The following A2ML1 variants were observed in gnomAD, a reference collection of about 807,000 sequenced individuals.
The protein encoded by A2ML1 is alpha-2-macroglobulin-like protein 1.
Under a neutral mutation model 181.9 loss-of-function variants are expected in A2ML1, and 161 were observed. The ratio of observed to expected loss-of-function variants is 0.89; its 90% CI spans 0.78 to 1.01. The LOEUF (loss-of-function observed/expected upper bound fraction) is 1.01, where lower values mean the gene tolerates loss of function less well. Ranked by LOEUF, A2ML1 falls within the 50% of genes least tolerant of loss-of-function variation. The probability of loss-of-function intolerance (pLI) is 0.00; values close to 1 mark genes in which losing one functional copy is unlikely to be tolerated. For synonymous variants in A2ML1, 663 were observed against 666.8 expected (o/e 0.99, Z 0.09); for missense variants, 1,670 against 1,768.1 (o/e 0.94, Z 1.00).
At chr12:8,837,350 A>T in intron 7 of A2ML1, 90 bp from the exon 8 acceptor site, 1 of 1,507,584 alleles carries the variant, frequency 6.6e-7, no homozygotes, top group Non-Finnish European at 9.0e-7. Flanking sequence ...CAGAGGCTGG[A>T]GTGTGAGAGG....
chr12:8,861,154 G>A lies in A2ML1; in HGVS notation c.3359G>A (p.Gly1120Asp), dbSNP rs1565487733. The A allele has an allele frequency of 3.7e-6, 6 of 1,614,126 alleles. No homozygotes were observed. The highest frequency in any genetic ancestry group is 5.1e-6 in the Non-Finnish European group (6 of 1,180,038). The change falls in exon 28 of 36, where the codon GGT becomes GAT. Residue 1120 changes from glycine (G) to aspartate (D), a missense_variant. By Grantham distance (94) the Gly-to-Asp change is moderately conservative. Transcript: ENST00000299698. ...TTTTAGGACCCAATGGTGAGTCAGG[G>A]TCTACGGTGTCTCAAGAATTCGGCC... ...KDVDDPMVSQGLRCLKNSATS... is the reference protein window; with the variant it reads ...KDVDDPMVSQDLRCLKNSATS...
At chr12:8,840,573 G>T (rs1236049649) in intron 10 of A2ML1, among the ~76,000 whole-genome samples, 1 of 152,090 alleles carries the variant, frequency 6.6e-6, no homozygotes, top group South Asian at 2.1e-4. Context: ...AGAGCCTAAG[G>T]ATTACACAGT....
chr12:8,839,563 C>T (rs760750700), intron 10 of A2ML1, among the ~76,000 whole-genome samples: 1 of 152,164 alleles, frequency 6.6e-6, no homozygotes, highest in East Asian at 1.9e-4. Flanking sequence ...ATTAATGACA[C>T]CTTAGGGGTC....
chr12:8,855,386 T>C, intron 22 of A2ML1, 123 bp from the exon 23 acceptor site: 1 of 808,840 alleles, frequency 1.2e-6, no homozygotes. Flanking sequence ...GCTTTCTGCA[T>C]CCCAGAGAAA....
rs180735568 is a variant in A2ML1 at position 8,852,738 on chromosome 12, G to T, written c.2590+402G>T. Among the ~76,000 whole-genome samples the T allele has an allele frequency of 3.3e-5, 5 of 151,900 alleles. No individual in the cohort carries two copies. In the South Asian group the frequency reaches 8.3e-4, roughly 25 times the overall value. On this transcript the variant is annotated intron_variant, in intron 20 of 35. Coordinates refer to ENST00000299698, the MANE Select transcript of A2ML1 (RefSeq NM_144670.6). This position sits in a 1 kb window ranked among gnomAD's most constrained non-coding sequence, Gnocchi z 4.2. ...TTGAGAGGAAGTCTCGCTCTGTTGCGCAGGCTGGAGTGCAGTGGTGCAATC... is the reference window on the plus strand; with the variant it reads ...TTGAGAGGAAGTCTCGCTCTGTTGCTCAGGCTGGAGTGCAGTGGTGCAATC...
chr12:8,834,362 C>T (rs748045086), intron 4 of A2ML1, among the ~76,000 whole-genome samples: 2 of 152,294 alleles, frequency 1.3e-5, no homozygotes, highest in African/African-American at 4.8e-5. Context: ...TGTGCAAGAG[C>T]TCAGTCACAG....
intron 7 of A2ML1, among the ~76,000 whole-genome samples, chr12:8,881,803 A>C (rs745339027): frequency 6.6e-6 from 1 of 152,100 alleles, no homozygotes; most frequent in African/African-American, 2.4e-5. Context: ...CGAGGTCAGG[A>C]GATCGAGACC....
chr12:8,845,698 A>C (rs894638032), intron 13 of A2ML1, among the ~76,000 whole-genome samples, 196 bp downstream of exon 13: 6 of 151,944 alleles, frequency 3.9e-5, no homozygotes, highest in African/African-American at 1.4e-4. Context: ...ATACAAAAAA[A>C]AATTAGCCGG....
At chr12:8,838,134 C>G (rs1022525955) in intron 8 of A2ML1, among the ~76,000 whole-genome samples, 1 of 152,154 alleles carries the variant, frequency 6.6e-6, no homozygotes, top group African/African-American at 2.4e-5. Context: ...TTCTTTTTCC[C>G]TTTCCCAAAT....
At chr12:8,856,328 A>T (rs73234353) in intron 23 of A2ML1, among the ~76,000 whole-genome samples, 4,989 of 152,246 alleles carry the variant, frequency 0.033, 238 homozygotes, top group African/African-American at 0.11. Context: ...CACTGTCTAT[A>T]TCTGTCTTCC....
rs1452000425 is a variant in A2ML1 at position 8,823,739 on chromosome 12, G to T, written c.266G>T (p.Gly89Val). The T allele has an allele frequency of 1.2e-6, 2 of 1,613,944 alleles. No individual in the cohort carries two copies. The highest frequency in any genetic ancestry group is 1.7e-6 in the Non-Finnish European group (2 of 1,179,944). Residue 89 changes from glycine (G) to valine (V), a missense_variant, in exon 3 of 36, where the codon GGC becomes GTC. Physicochemically the swap from Gly to Val is moderately radical, Grantham distance 109. Coordinates refer to ENST00000299698, the MANE Select transcript of A2ML1 (RefSeq NM_144670.6). ...GGTCAGGTACCACCTCCTGCTGGTG[G>T]CACAGAAGAAGTGGCCACAATCCGG... is the stretch of plus-strand genomic sequence containing the variant. ...ISFLVPPPAG[G>V]TEEVATIRVS...
At chr12:8,853,602 T>C (rs1206459751) in intron 20 of A2ML1, among the ~76,000 whole-genome samples, 1 of 152,082 alleles carries the variant, frequency 6.6e-6, no homozygotes, top group Non-Finnish European at 1.5e-5. Flanking sequence ...CATCCCAAAG[T>C]CTCTGATCCT....
chr12:8,842,438 C>G (rs1426266300), intron 11 of A2ML1, among the ~76,000 whole-genome samples: 1 of 152,064 alleles, frequency 6.6e-6, no homozygotes, highest in Non-Finnish European at 1.5e-5. Flanking sequence ...CCAGGATGGT[C>G]TCGATCTCCT....
In A2ML1 at chr12:8,838,451, G is replaced by C; in HGVS notation, c.970+1G>C. The C allele has an allele frequency of 3.1e-6, 5 of 1,610,956 alleles. No homozygotes were observed. Among genetic ancestry groups the C allele is most frequent in the Non-Finnish European group, 3.4e-6 (4 of 1,177,810 alleles). On this transcript the variant is annotated splice_donor_variant, in intron 9 of 35. Coordinates refer to ENST00000299698, the MANE Select transcript of A2ML1 (RefSeq NM_144670.6). LOFTEE classifies it high-confidence loss of function. ...GCTACTGTTGTGGAGGAAGGGACAGGTAAGTAGGGTGCTCCTTGGCTCATT... is the reference window on the plus strand; with the variant it reads ...GCTACTGTTGTGGAGGAAGGGACAGCTAAGTAGGGTGCTCCTTGGCTCATT...
intron 10 of A2ML1, 70 bp from the exon 11 acceptor site, chr12:8,841,299 A>T (rs1251059981): frequency 7.0e-7 from 1 of 1,430,528 alleles, no homozygotes; most frequent in Non-Finnish European, 9.5e-7. Context: ...CCAACCTAAT[A>T]TTTCACTTTA....
At chr12:8,883,629 C>G (rs927894986) in intron 7 of A2ML1, among the ~76,000 whole-genome samples, 7 of 151,866 alleles carry the variant, frequency 4.6e-5, no homozygotes, top group Admixed American at 4.6e-4. Flanking sequence ...AGGTGCCCAC[C>G]ACCACGCCTG....
At chr12:8,854,295 T>C in intron 21 of A2ML1, 46 bp downstream of exon 21, 1 of 1,542,540 alleles carries the variant, frequency 6.5e-7, no homozygotes, top group Non-Finnish European at 8.8e-7. Context: ...CGAGGGATGC[T>C]CAGCATCTCG....
In A2ML1 at chr12:8,850,273, G is replaced by A; in HGVS notation, c.2233G>A (p.Gly745Ser). Residue 745 changes from glycine (G) to serine (S), a missense_variant and splice_region_variant, in exon 18 of 36, where the codon GGT (glycine) becomes AGT (serine). Coordinates refer to ENST00000299698, the MANE Select transcript of A2ML1 (RefSeq NM_144670.6). The part of the protein sequence containing the change: ...ETWLWDLFPI[G>S]NSGKEAVHVT... ...CTGGCTCTGGGATCTGTTTCCTATT[G>A]GGTAAGTGATGACTCAAAAGTACAG... The A allele has an allele frequency of 1.2e-6, 2 of 1,607,450 alleles. No individual in the cohort carries two copies. Among genetic ancestry groups the A allele is most frequent in the South Asian group, 1.1e-5 (1 of 89,954 alleles).
At chr12:8,887,403 C>T (rs1352970068), downstream of A2ML1, among the ~76,000 whole-genome samples, 2 of 152,126 alleles carry the variant, frequency 1.3e-5, no homozygotes, top group African/African-American at 4.8e-5. Context: ...TCCTGTTTTT[C>T]TTGCTGTGCA....
Sources: allele counts gnomAD v4.1 joint callset (sites outside exome capture counted in the v4.1 genomes callset), GRCh38; gene constraint gnomAD v4.1.1; non-coding constraint Gnocchi (gnomAD v3.1); transcripts MANE v1.5; gene names NCBI Gene and HGNC (gene_info 2026-07-23, HGNC 2026-07-21).